SMARCA5: variants seen among roughly 807,000 people sequenced by gnomAD.
The protein encoded by SMARCA5 is SWI/SNF-related matrix-associated actin-dependent regulator of chromatin subfamily A member 5.
In SMARCA5, 18 loss-of-function variants were observed where a neutral mutation model predicts 140.4. The observed-to-expected ratio is 0.13, with a 90% CI of 0.09 to 0.19. SMARCA5 has a LOEUF of 0.19. Ranked by LOEUF, SMARCA5 falls within the 10% of genes least tolerant of loss-of-function variation. The pLI, the probability that SMARCA5 is intolerant of heterozygous loss-of-function variation, is 1.00. For synonymous variants in SMARCA5, 449 were observed against 419.6 expected, an observed-to-expected ratio of 1.07 and a Z score of -0.86; for missense variants, 606 against 1,276.8, an observed-to-expected ratio of 0.47 and a Z score of 8.01.
At chr4:143,525,614 A>T (rs1236175726) in intron 5 of SMARCA5, 63 bp downstream of exon 5, 8 of 1,147,662 alleles carry the variant, frequency 7.0e-6, no homozygotes, top group Non-Finnish European at 9.2e-6. Flanking sequence ...ATACGTTGAT[A>T]AAAGTTTCTT....
chr4:143,534,924 G>A lies in SMARCA5; in HGVS notation c.1228G>A (p.Val410Ile), dbSNP rs569394609. ...VEKSLPPKKE[V>I]KIYVGLSKMQ... ...AAAGAGTTTGCCTCCAAAGAAGGAA[G>A]TAAAAATCTATGTGGGCCTCAGCAA... Residue 410 changes from valine (V) to isoleucine (I), a missense_variant, in exon 10 of 24, where the codon GTA becomes ATA. Physicochemically the swap from Val to Ile is conservative, Grantham distance 29. Transcript: ENST00000283131. 1 of 1,613,328 alleles carries A rather than the reference G, an allele frequency of 6.2e-7. No homozygotes were observed. The highest frequency in any genetic ancestry group is 1.3e-5 in the African/African-American group (1 of 75,036).
chr4:143,539,044 C>G (rs949162459), intron 13 of SMARCA5, 106 bp downstream of exon 13: 5 of 979,050 alleles, frequency 5.1e-6, no homozygotes, highest in Non-Finnish European at 7.7e-6. Context: ...TTTTATTTTT[C>G]TCTAATCTAA....
chr4:143,551,103 T>C (rs1000131652), intron 23 of SMARCA5, among the ~76,000 whole-genome samples: 15 of 144,520 alleles, frequency 1.0e-4, no homozygotes, highest in Admixed American at 5.0e-4. Flanking sequence ...AAAGCCATTT[T>C]ATCTGGGATG....
At chr4:143,521,695 A>G (rs1318762483) in intron 3 of SMARCA5, 100 bp downstream of exon 3, 1 of 1,072,034 alleles carries the variant, frequency 9.3e-7, no homozygotes, top group African/African-American at 1.6e-5. Context: ...AAATTATTTT[A>G]GTGCCATTAT....
At chr4:143,515,789 G>A (rs1268565812) in intron 1 of SMARCA5, among the ~76,000 whole-genome samples, 1 of 152,018 alleles carries the variant, frequency 6.6e-6, no homozygotes, top group East Asian at 1.9e-4. Context: ...ATAAAACTCG[G>A]ATCTGCCTTT....
chr4:143,549,416 A>G (rs1001536787), intron 22 of SMARCA5, among the ~76,000 whole-genome samples: 2 of 152,104 alleles, frequency 1.3e-5, no homozygotes, highest in African/African-American at 4.8e-5. Context: ...TTTCAGGGTT[A>G]ACTGCTACTT....
chr4:143,549,176 CTTCTTAA>C (rs1737590787), intron 22 of SMARCA5, among the ~76,000 whole-genome samples: 2 of 152,012 alleles, frequency 1.3e-5, no homozygotes, highest in South Asian at 4.1e-4. Context: ...AACTGTGTTA[CTTCTTAA>C]CATGTTCCAT....
At chr4:143,543,728 T>C in intron 15 of SMARCA5, 71 bp downstream of exon 15, 1 of 1,499,274 alleles carries the variant, frequency 6.7e-7, no homozygotes, top group East Asian at 2.3e-5. Context: ...ATTTGTTACA[T>C]TGATGATAAA....
intron 23 of SMARCA5, 49 bp downstream of exon 23, chr4:143,550,153 T>A (rs367586726): frequency 2.8e-6 from 3 of 1,082,716 alleles, no homozygotes; most frequent in Non-Finnish European, 4.0e-6. Flanking sequence ...AATTTCCCCT[T>A]TCTAAGTATT....
At position 143,553,734 on chromosome 4, in the gene SMARCA5, A is replaced by G. The variant is rs947587752; in HGVS notation, c.*550A>G. The G allele has an allele frequency of 1.3e-5, 2 of 152,084 alleles. No individual in the cohort carries two copies. The highest frequency in any genetic ancestry group is 2.4e-5 in the African/African-American group (1 of 41,416). 9.4% of individuals were successfully genotyped at this position (152,084 alleles called of 1,614,324 possible). On this transcript the variant is annotated 3_prime_UTR_variant, in exon 24 of 24. Coordinates refer to ENST00000283131, the MANE Select transcript of SMARCA5 (RefSeq NM_003601.4). The stretch of plus-strand genomic sequence containing the variant: ...CAAAGTATACTTAAATTCTATGCAT[A>G]TTTCTGTTATGCTTTCTGTTTTTTT...
chr4:143,534,122 CAAT>C (rs1433949322), intron 9 of SMARCA5, among the ~76,000 whole-genome samples: 1 of 151,424 alleles, frequency 6.6e-6, no homozygotes. Flanking sequence ...ATTTTTAAAG[CAAT>C]AATGTACTTT....
rs147985678 is a variant in SMARCA5 at position 143,553,827 on chromosome 4, A to G, written c.*643A>G. ...TGGCCTTTTAGTTGTATAGCCAAAG[A>G]CATTTAGTATTTTCCGGTTCCTTAA... On this transcript the variant is annotated 3_prime_UTR_variant, in exon 24 of 24. Coordinates refer to ENST00000283131, the MANE Select transcript of SMARCA5 (RefSeq NM_003601.4). 15 of 152,120 alleles carry G rather than the reference A, an allele frequency of 9.9e-5. No homozygotes were observed. The highest frequency in any genetic ancestry group is 3.4e-4 in the African/African-American group (14 of 41,552). The allele number at this position is 152,120 out of a possible 1,614,324, so 9.4% of individuals were successfully genotyped here.
At chr4:143,535,049 A>T in intron 10 of SMARCA5, 85 bp downstream of exon 10, 1 of 923,350 alleles carries the variant, frequency 1.1e-6, no homozygotes, top group Non-Finnish European at 1.6e-6. Flanking sequence ...TTGTGTCTTC[A>T]TGGAATTCCA....
At chr4:143,551,651 C>T (rs1273630925) in intron 23 of SMARCA5, among the ~76,000 whole-genome samples, 1 of 152,108 alleles carries the variant, frequency 6.6e-6, no homozygotes, top group Non-Finnish European at 1.5e-5. Context: ...ATTGAAGAGA[C>T]TGTCCTTTCT....
chr4:143,518,528 T>C, intron 2 of SMARCA5, among the ~76,000 whole-genome samples: 1 of 152,150 alleles, frequency 6.6e-6, no homozygotes. Context: ...AGATCTTACA[T>C]ATTTTTTAAA....
intron 3 of SMARCA5, 80 bp from the exon 4 acceptor site, chr4:143,524,287 C>A: frequency 2.2e-6 from 2 of 903,442 alleles, no homozygotes; most frequent in South Asian, 3.7e-5. Flanking sequence ...CTTGGTCAGC[C>A]ACTTGACTAT....
intron 17 of SMARCA5, among the ~76,000 whole-genome samples, chr4:143,545,080 C>T (rs1737497093): frequency 6.6e-6 from 1 of 151,508 alleles, no homozygotes. Flanking sequence ...GTAGCTGGGA[C>T]TACAGGCACC....
intron 22 of SMARCA5, 54 bp downstream of exon 22, chr4:143,548,194 T>C: frequency 1.0e-6 from 1 of 1,000,608 alleles, no homozygotes; most frequent in Non-Finnish European, 1.5e-6. Flanking sequence ...GTAAGTGTCA[T>C]CTTTGGTATT....
intron 9 of SMARCA5, among the ~76,000 whole-genome samples, chr4:143,532,658 G>C (rs1346589438): frequency 6.6e-6 from 1 of 152,100 alleles, no homozygotes; most frequent in Non-Finnish European, 1.5e-5. Flanking sequence ...ATCTAATGCT[G>C]CAAAAGAACC....
Sources: gnomAD v4.1 joint callset for allele counts (sites outside exome capture counted in the v4.1 genomes callset) on GRCh38, gnomAD v4.1.1 for gene constraint, MANE v1.5 for transcripts, NCBI Gene and HGNC (gene_info 2026-07-23, HGNC 2026-07-21) for gene names.